Variants in CDH12 observed in about 807,000 individuals in gnomAD.
CDH12 encodes cadherin 12, also known as cadherin-12.
Under a neutral mutation model 74.1 loss-of-function variants are expected in CDH12, and 41 were observed. The observed-to-expected ratio is 0.55, with a 90% CI of 0.43 to 0.72. CDH12 has a LOEUF of 0.72. Among genes scored for constraint, CDH12 ranks in the 30% least tolerant of loss-of-function variants. The pLI, the probability that CDH12 is intolerant of heterozygous loss-of-function variation, is 0.00. For missense variants in CDH12, 945 were observed against 977.2 expected (o/e 0.97, Z 0.44); for synonymous variants, 399 against 355.0 (o/e 1.12, Z -1.39).
At chr5:21,956,064 A>G (rs144803559) in intron 6 of CDH12, among the ~76,000 whole-genome samples, 6,044 of 152,184 alleles carry the variant, frequency 0.04, 251 homozygotes, top group African/African-American at 0.1. Flanking sequence ...AAATTTAGTT[A>G]AAAGCTTAAA....
intron 9 of CDH12, among the ~76,000 whole-genome samples, chr5:21,804,643 AACACACACAC>A (rs11281181): frequency 0.086 from 9,936 of 115,134 alleles, 485 homozygotes; most frequent in East Asian, 0.27. Context: ...AGTGAATTAA[AACACACACAC>A]ACACACACAC....
chr5:22,548,654 G>A (rs1005968240), intron 1 of CDH12, among the ~76,000 whole-genome samples: 1 of 152,038 alleles, frequency 6.6e-6, no homozygotes, highest in African/African-American at 2.4e-5. Flanking sequence ...GGTGCCTCTT[G>A]TGTGTATCTC....
intron 1 of CDH12, among the ~76,000 whole-genome samples, chr5:22,607,396 C>G (rs1737171744): frequency 6.6e-6 from 1 of 152,148 alleles, no homozygotes; most frequent in African/African-American, 2.4e-5. Flanking sequence ...CTTACAGTTC[C>G]ACATGCCCGG....
chr5:22,650,145 T>C (rs1313292161), intron 1 of CDH12, among the ~76,000 whole-genome samples: 1 of 152,030 alleles, frequency 6.6e-6, no homozygotes, highest in Non-Finnish European at 1.5e-5. Context: ...TATGCCTATA[T>C]AACAAAATTG....
chr5:22,738,396 C>T (rs1744852718), intron 1 of CDH12, among the ~76,000 whole-genome samples: 2 of 152,014 alleles, frequency 1.3e-5, no homozygotes, highest in South Asian at 4.1e-4. Flanking sequence ...GCCAAATTGA[C>T]AATGTCTGCT....
At chr5:22,842,039 T>C (rs565773065) in intron 1 of CDH12, among the ~76,000 whole-genome samples, 3 of 152,246 alleles carry the variant, frequency 2.0e-5, no homozygotes. Context: ...ATACTTGAGA[T>C]GACAACAGAA....
chr5:22,290,726 G>T (rs1023750835), intron 3 of CDH12, among the ~76,000 whole-genome samples: 1 of 152,176 alleles, frequency 6.6e-6, no homozygotes, highest in African/African-American at 2.4e-5. Context: ...AAAGGATCAT[G>T]AGAGATTGTT....
At chr5:22,453,714 A>T (rs1745145259) in intron 2 of CDH12, among the ~76,000 whole-genome samples, 1 of 152,212 alleles carries the variant, frequency 6.6e-6, no homozygotes, top group South Asian at 2.1e-4. Flanking sequence ...ATTTCAAAAT[A>T]GCAAGAAGAG....
intron 5 of CDH12, among the ~76,000 whole-genome samples, chr5:22,048,447 G>A (rs553850586): frequency 1.2e-4 from 18 of 152,182 alleles, no homozygotes; most frequent in East Asian, 7.7e-4. Flanking sequence ...TGGGGATTTC[G>A]AGTTGTGTTC....
At chr5:22,661,533 G>A (rs956087465) in intron 1 of CDH12, among the ~76,000 whole-genome samples, 1 of 151,790 alleles carries the variant, frequency 6.6e-6, no homozygotes, top group East Asian at 1.9e-4. Flanking sequence ...TTATTAGTAA[G>A]CTTTTTAACC....
chr5:22,415,766 A>C (rs1028944292), intron 2 of CDH12, among the ~76,000 whole-genome samples: 34 of 152,324 alleles, frequency 2.2e-4, no homozygotes, highest in Admixed American at 3.9e-4. Flanking sequence ...ACTGATACAA[A>C]AATTGGTTCT....
At chr5:22,638,999 C>T (rs938776661) in intron 1 of CDH12, 5 of 131,066 alleles carry the variant, frequency 3.8e-5, no homozygotes, top group African/African-American at 5.7e-5. Flanking sequence ...TGCAGTGAGC[C>T]GAGATCCCGC....
chr5:22,760,678 C>CAAAAAAAAAAAAA (rs11284255), intron 1 of CDH12, among the ~76,000 whole-genome samples: 2 of 63,432 alleles, frequency 3.2e-5, no homozygotes, highest in African/African-American at 6.4e-5. Context: ...GACTCCGTCT[C>CAAAAAAAAAAAAA]AAAAAAAAAA....
At chr5:21,778,041 CCTAT>C (rs1745690454) in intron 11 of CDH12, among the ~76,000 whole-genome samples, 1 of 152,146 alleles carries the variant, frequency 6.6e-6, no homozygotes, top group African/African-American at 2.4e-5. Flanking sequence ...ATTAATTCCT[CCTAT>C]CTAACTCAAA....
At chr5:22,697,973 G>T (rs1262989411) in intron 1 of CDH12, among the ~76,000 whole-genome samples, 2 of 151,956 alleles carry the variant, frequency 1.3e-5, no homozygotes, top group Non-Finnish European at 2.9e-5. Flanking sequence ...TCACCCCCAG[G>T]ACTGGAAGAA....
intron 1 of CDH12, among the ~76,000 whole-genome samples, chr5:22,671,780 G>A (rs1305773392): frequency 6.6e-6 from 1 of 151,838 alleles, no homozygotes; most frequent in African/African-American, 2.4e-5. Context: ...AAAGGGAACA[G>A]TGGAAAAGTG....
intron 10 of CDH12, among the ~76,000 whole-genome samples, chr5:21,799,623 G>C (rs1561194801): frequency 6.6e-6 from 1 of 151,868 alleles, no homozygotes. Context: ...AATGAAAGAA[G>C]ATCATCAAAC....
intron 1 of CDH12, among the ~76,000 whole-genome samples, chr5:22,523,274 T>C (rs1737129985): frequency 6.6e-6 from 1 of 152,186 alleles, no homozygotes; most frequent in Admixed American, 6.5e-5. Flanking sequence ...CTCATTTACT[T>C]TCATATATTC....
At chr5:22,548,328 G>T (rs369913748) in intron 1 of CDH12, among the ~76,000 whole-genome samples, 22 of 152,140 alleles carry the variant, frequency 1.4e-4, no homozygotes, top group African/African-American at 3.6e-4. Context: ...TTGTACAAAG[G>T]ATAATTTTAA....
Sources: gnomAD v4.1 joint callset for allele counts (sites outside exome capture counted in the v4.1 genomes callset) on GRCh38, gnomAD v4.1.1 for gene constraint, MANE v1.5 for transcripts, NCBI Gene and HGNC (gene_info 2026-07-23, HGNC 2026-07-21) for gene names.